The following PRORP variants were observed in gnomAD, a reference collection of about 807,000 sequenced individuals.
PRORP encodes protein only RNase P catalytic subunit, also known as mitochondrial ribonuclease P catalytic subunit.
In PRORP, 51 loss-of-function variants were observed where a neutral mutation model predicts 59.4. The ratio of observed to expected loss-of-function variants is 0.86; its 90% CI spans 0.69 to 1.08. The LOEUF is 1.08. PRORP is among the 50% of genes least tolerant of loss of function. The pLI is 0.00. For missense variants in PRORP, 646 were observed against 690.3 expected, an observed-to-expected ratio of 0.94 and a Z score of 0.72; for synonymous variants, 231 against 245.6, an observed-to-expected ratio of 0.94 and a Z score of 0.55.
chr14:35,136,460 C>T (rs1435309434), intron 4 of PRORP, among the ~76,000 whole-genome samples: 5 of 146,550 alleles, frequency 3.4e-5, no homozygotes, highest in South Asian at 4.4e-4. Context: ...CCGCAACCTC[C>T]GCCTCTCGGG....
At chr14:35,250,428 G>C (rs2050587308) in intron 5 of PRORP, among the ~76,000 whole-genome samples, 1 of 152,100 alleles carries the variant, frequency 6.6e-6, no homozygotes, top group Non-Finnish European at 1.5e-5. Flanking sequence ...TTAGGGATCT[G>C]TGAACTTCCT....
At chr14:35,166,552 C>T (rs1026988497) in intron 4 of PRORP, among the ~76,000 whole-genome samples, 2 of 149,946 alleles carry the variant, frequency 1.3e-5, no homozygotes, top group African/African-American at 4.9e-5. Context: ...TGGATTCAAG[C>T]GATTCTCCTG....
intron 4 of PRORP, among the ~76,000 whole-genome samples, chr14:35,154,524 A>G (rs1418798205): frequency 6.6e-6 from 1 of 152,176 alleles, no homozygotes; most frequent in Admixed American, 6.5e-5. Flanking sequence ...GTATGTGAAA[A>G]TATCAAACCT....
chr14:35,238,256 C>T (rs2050270697), intron 5 of PRORP, among the ~76,000 whole-genome samples: 1 of 152,178 alleles, frequency 6.6e-6, no homozygotes, highest in Non-Finnish European at 1.5e-5. Context: ...AGTCTGTGGT[C>T]TTTTACCGTG....
At chr14:35,189,495 C>G (rs894791084) in intron 5 of PRORP, among the ~76,000 whole-genome samples, 2 of 150,606 alleles carry the variant, frequency 1.3e-5, no homozygotes, top group Non-Finnish European at 2.9e-5. Context: ...ATTATATAGC[C>G]TGCCTTTTAA....
chr14:35,263,671 G>A (rs2050964800), intron 5 of PRORP, among the ~76,000 whole-genome samples: 1 of 152,122 alleles, frequency 6.6e-6, no homozygotes, highest in Admixed American at 6.5e-5. Context: ...CTGGGTGACA[G>A]AGCAAGACTC....
At chr14:35,194,535 G>A (rs1319501078) in intron 5 of PRORP, among the ~76,000 whole-genome samples, 8 of 152,108 alleles carry the variant, frequency 5.3e-5, no homozygotes, top group Admixed American at 4.6e-4. Flanking sequence ...GCCTGTCGGG[G>A]GATGAGGGGC....
chr14:35,180,853 T>A (rs2048588018), intron 5 of PRORP, 76 bp downstream of exon 5: 1 of 909,360 alleles, frequency 1.1e-6, no homozygotes, highest in South Asian at 1.5e-5. Context: ...TTCTTGGGGC[T>A]CTTAGCTCCT....
rs374443643 is a variant in PRORP at position 35,270,552 on chromosome 14, C to G, written c.1576C>G (p.Leu526Val). 3.1e-6 allele frequency: 5 copies of G among 1,614,168 alleles called. No individual in the cohort carries two copies. The highest frequency in any genetic ancestry group is 4.2e-6 in the Non-Finnish European group (5 of 1,180,036). The change falls in exon 7 of 8, where the codon CTG becomes GTG. Residue 526 changes from leucine (L) to valine (V), a missense_variant. Coordinates refer to ENST00000534898, the MANE Select transcript of PRORP (RefSeq NM_014672.4). ...LFFKWQQGHQ[L>V]AIVNRFPGSK... ...TTTTAAGTGGCAGCAGGGACATCAG[C>G]TGGCAATTGTAAATAGGTTTCCAGG...
intron 5 of PRORP, among the ~76,000 whole-genome samples, chr14:35,184,265 A>G (rs2048689432): frequency 6.6e-6 from 1 of 152,200 alleles, no homozygotes. Context: ...AAGGAACTAA[A>G]AAAAGAAAGT....
chr14:35,245,892 TCAAAGAAGG>T (rs1293074674), intron 5 of PRORP, among the ~76,000 whole-genome samples: 2 of 152,160 alleles, frequency 1.3e-5, no homozygotes, highest in African/African-American at 4.8e-5. Context: ...CAGGAGCTTC[TCAAAGAAGG>T]GTACATAGGA....
chr14:35,270,428 T>C lies in PRORP; in HGVS notation c.1452T>C (p.Tyr484=). Residue 484 remains tyrosine, a synonymous_variant, in exon 7 of 8, where the codon TAT becomes TAC. Coordinates refer to ENST00000534898, the MANE Select transcript of PRORP (RefSeq NM_014672.4). ...DISEDDPFLL[Y]ATLHSGNHCR... ...CGGAGGATGATCCATTCCTTCTGTA[T>C]GCCACACTGCACTCCGGGAATCACT... is the stretch of plus-strand genomic sequence containing the variant. 2.5e-6 allele frequency: 4 copies of C among 1,614,032 alleles called. No individual in the cohort carries two copies. The highest frequency in any genetic ancestry group is 3.4e-6 in the Non-Finnish European group (4 of 1,180,022).
At chr14:35,238,023 A>G (rs1271904035) in intron 5 of PRORP, among the ~76,000 whole-genome samples, 4 of 152,044 alleles carry the variant, frequency 2.6e-5, no homozygotes, top group Admixed American at 6.6e-5. Context: ...TACAGTGCAC[A>G]TAGCCATTCT....
At chr14:35,148,353 A>G (rs2047660961) in intron 4 of PRORP, among the ~76,000 whole-genome samples, 1 of 152,208 alleles carries the variant, frequency 6.6e-6, no homozygotes, top group Non-Finnish European at 1.5e-5. Flanking sequence ...ATCTCCTTAT[A>G]CATCTCCATA....
chr14:35,232,645 A>G (rs1320087153), intron 5 of PRORP, among the ~76,000 whole-genome samples: 1 of 151,898 alleles, frequency 6.6e-6, no homozygotes, highest in African/African-American at 2.4e-5. Context: ...AAATCTGGCA[A>G]CGTCCCAAAC....
chr14:35,244,641 C>T lies in PRORP; in HGVS notation c.1276-22086C>T, dbSNP rs115439547. 8.5e-4 allele frequency among the ~76,000 whole-genome samples: 129 copies of T among 152,004 alleles called. 1 individual carries two copies. The highest frequency in any genetic ancestry group is 4.6e-3 in the East Asian group (24 of 5,176). ...TAAATACAAAGCCTCTGTGTGTGCG[C>T]GCATAAAATATATCATGTGTAAAGA... On this transcript the variant is annotated intron_variant, in intron 5 of 7. Transcript: ENST00000534898.
rs1268900373 is a variant in PRORP at position 35,158,666 on chromosome 14, A to G, written c.1168-22004A>G. On this transcript the variant is annotated intron_variant, in intron 4 of 7. Coordinates refer to ENST00000534898, the MANE Select transcript of PRORP (RefSeq NM_014672.4). Reference sequence around the variant, plus strand: ...TTGTGATTCTGCATTTAGGTAGTCCACAGATTTACTATCAATGTAGTTGAT... The same window carrying G: ...TTGTGATTCTGCATTTAGGTAGTCCGCAGATTTACTATCAATGTAGTTGAT... The G allele has an allele frequency of 9.9e-6, 4 of 402,340 alleles. No homozygotes were observed. The East Asian group carries it at 2.0e-4, about 20-fold the overall frequency. 24.9% of individuals were successfully genotyped at this position (402,340 alleles called of 1,614,324 possible). A position where few individuals can be genotyped will look rare whatever the true frequency, so the allele number is the denominator to read the frequency against.
intron 5 of PRORP, chr14:35,235,073 T>C: frequency 2.4e-6 from 1 of 410,214 alleles, no homozygotes. Context: ...TCTTTCAATG[T>C]TACCAGTAAC....
At chr14:35,162,886 A>G (rs2048096068) in intron 4 of PRORP, among the ~76,000 whole-genome samples, 1 of 152,080 alleles carries the variant, frequency 6.6e-6, no homozygotes. Context: ...AACAACCCAT[A>G]TTTTACCCCA....
Sources: allele counts gnomAD v4.1 joint callset (sites outside exome capture counted in the v4.1 genomes callset), GRCh38; gene constraint gnomAD v4.1.1; transcripts MANE v1.5; gene names NCBI Gene and HGNC (gene_info 2026-07-23, HGNC 2026-07-21).